FBXO15: variants seen among roughly 807,000 people sequenced by gnomAD.
The protein encoded by FBXO15 is F-box only protein 15.
In FBXO15, 30 loss-of-function variants were observed where a neutral mutation model predicts 49.5. That is an observed-to-expected ratio of 0.61 (90% confidence interval 0.45 to 0.82). The LOEUF (loss-of-function observed/expected upper bound fraction) is 0.82. FBXO15 is among the 40% of genes least tolerant of loss of function. The probability of loss-of-function intolerance (pLI) is 0.00; values close to 1 mark genes in which losing one functional copy is unlikely to be tolerated. For missense variants in FBXO15, 591 were observed against 631.5 expected (o/e 0.94, Z 0.69); for synonymous variants, 250 against 232.7 (o/e 1.07, Z -0.68).
intron 8 of FBXO15, among the ~76,000 whole-genome samples, chr18:74,114,681 T>C (rs182417639): frequency 4.7e-4 from 71 of 152,334 alleles, no homozygotes; most frequent in African/African-American, 1.5e-3. Context: ...TCATCTAAAC[T>C]TCTTTTTAAC....
chr18:74,100,624 G>T (rs963721873), intron 8 of FBXO15, among the ~76,000 whole-genome samples: 1 of 151,974 alleles, frequency 6.6e-6, no homozygotes, highest in Non-Finnish European at 1.5e-5. Flanking sequence ...GAAACAAAAT[G>T]GTGGTTCTTT....
Position 74,075,150 on chromosome 18 carries a change from C to A in FBXO15, c.1264-1420G>T, listed in dbSNP as rs1912208532. ...TCCCACCCTGGCTCTCTGGGTGGCTCCCTCTCCGCCTCATGGAACAACACC... is the reference window on the plus strand; with the variant it reads ...TCCCACCCTGGCTCTCTGGGTGGCTACCTCTCCGCCTCATGGAACAACACC... On this transcript the variant is annotated intron_variant, in intron 9 of 9. Transcript: ENST00000419743. This position sits in a 1 kb window ranked among gnomAD's most constrained non-coding sequence, Gnocchi z 4.1. Among the ~76,000 whole-genome samples, 1 of 152,184 alleles carries A rather than the reference C, an allele frequency of 6.6e-6. No individual in the cohort carries two copies. The highest frequency in any genetic ancestry group is 2.4e-5 in the African/African-American group (1 of 41,444).
intron 8 of FBXO15, among the ~76,000 whole-genome samples, chr18:74,084,392 C>T (rs1430262922): frequency 2.6e-5 from 4 of 152,162 alleles, no homozygotes; most frequent in African/African-American, 9.7e-5. Context: ...AGGAAGAGAA[C>T]GGGAAGAGCC....
chr18:74,107,385 A>G (rs946998129), intron 8 of FBXO15, among the ~76,000 whole-genome samples: 1 of 152,206 alleles, frequency 6.6e-6, no homozygotes, highest in African/African-American at 2.4e-5. Context: ...CAACTCAGAT[A>G]AAAAGTAAAA....
chr18:74,140,146 C>T (rs1978975393), intron 2 of FBXO15, 56 bp downstream of exon 2: 12 of 1,433,948 alleles, frequency 8.4e-6, no homozygotes, highest in Non-Finnish European at 1.0e-5. Context: ...ATAACTTTCT[C>T]TAATAACCCC....
intron 4 of FBXO15, among the ~76,000 whole-genome samples, chr18:74,130,138 T>G (rs572478395): frequency 1.1e-3 from 160 of 152,338 alleles, no homozygotes; most frequent in Admixed American, 3.3e-3. Flanking sequence ...CTGTGCAAAC[T>G]GTTGTTATTA....
intron 1 of FBXO15, among the ~76,000 whole-genome samples, chr18:74,145,722 T>C (rs1383151278): frequency 6.6e-6 from 1 of 150,466 alleles, no homozygotes; most frequent in African/African-American, 2.5e-5. Flanking sequence ...CTCAGCCTCC[T>C]GAGTACCTGA....
At chr18:74,079,303 G>C (rs1266110075) in intron 9 of FBXO15, among the ~76,000 whole-genome samples, 1 of 152,176 alleles carries the variant, frequency 6.6e-6, no homozygotes, top group Non-Finnish European at 1.5e-5. Context: ...CTGCAGCAAG[G>C]TTACCTTGAG....
chr18:74,079,487 G>A (rs118018823), intron 9 of FBXO15, among the ~76,000 whole-genome samples: 8 of 152,246 alleles, frequency 5.3e-5, no homozygotes, highest in Non-Finnish European at 8.8e-5. Context: ...AGGTATGTAA[G>A]CCACTGAAAT....
At chr18:74,121,120 A>G (rs57145673) in intron 8 of FBXO15, among the ~76,000 whole-genome samples, 14,143 of 152,200 alleles carry the variant, frequency 0.093, 1,252 homozygotes, top group African/African-American at 0.23. Context: ...CTGACTCAAG[A>G]AGAAATGGAT....
chr18:74,113,025 G>A (rs937170150), intron 8 of FBXO15, among the ~76,000 whole-genome samples: 2 of 152,212 alleles, frequency 1.3e-5, no homozygotes, highest in African/African-American at 4.8e-5. Context: ...GCAGCTTTAT[G>A]CATAATTGCT....
Position 74,073,602 on chromosome 18 carries a change from G to A in FBXO15, c.1392C>T (p.Tyr464=), listed in dbSNP as rs1348902045. ...SDSSSFLGQT[Y]NVDYVDAEGR... The stretch of plus-strand genomic sequence containing the variant: ...CTTCCGCATCAACGTAGTCCACGTT[G>A]TATGTCTGTCCCAAGAAGCTAGAGC... The change falls in exon 10 of 10, where the codon TAC becomes TAT. Residue 464 remains tyrosine, a synonymous_variant. Coordinates refer to ENST00000419743, the MANE Select transcript of FBXO15 (RefSeq NM_001142958.2). The A allele has an allele frequency of 6.2e-7, 1 of 1,614,082 alleles. No individual in the cohort carries two copies. Among genetic ancestry groups the A allele is most frequent in the Admixed American group, 1.7e-5 (1 of 60,006 alleles).
At chr18:74,121,079 C>T (rs1311980610) in intron 8 of FBXO15, among the ~76,000 whole-genome samples, 1 of 152,008 alleles carries the variant, frequency 6.6e-6, no homozygotes, top group Non-Finnish European at 1.5e-5. Flanking sequence ...ATAAAATGGA[C>T]AAATTCCTTA....
intron 5 of FBXO15, 149 bp from the exon 6 acceptor site, chr18:74,126,250 CAAAT>C: frequency 9.5e-7 from 1 of 1,051,184 alleles, no homozygotes; most frequent in Non-Finnish European, 1.4e-6. Flanking sequence ...GGTGAGGACA[CAAAT>C]GAATAAAAGG....
chr18:74,130,780 A>G, intron 3 of FBXO15, 122 bp from the exon 4 acceptor site: 1 of 1,094,718 alleles, frequency 9.1e-7, no homozygotes, highest in Non-Finnish European at 1.3e-6. Flanking sequence ...CAAGCTGAAT[A>G]TTTACAGTTG....
At chr18:74,095,998 T>C (rs1421630001) in intron 8 of FBXO15, among the ~76,000 whole-genome samples, 1 of 152,114 alleles carries the variant, frequency 6.6e-6, no homozygotes, top group African/African-American at 2.4e-5. Context: ...TTCACATCTG[T>C]GACACCCCTC....
rs1310244770 is a variant in FBXO15 at position 74,092,802 on chromosome 18, T to G, written c.1139-10751A>C. ...ATGCTGGTCACAACACTCTGATGGGTGGTGCCAGATAAAGCATCATGTGGT... is the reference window on the plus strand; with the variant it reads ...ATGCTGGTCACAACACTCTGATGGGGGGTGCCAGATAAAGCATCATGTGGT... On this transcript the variant is annotated intron_variant, in intron 8 of 9. Coordinates refer to ENST00000419743, the MANE Select transcript of FBXO15 (RefSeq NM_001142958.2). 5.9e-5 allele frequency among the ~76,000 whole-genome samples: 9 copies of G among 152,132 alleles called. No individual in the cohort carries two copies. The East Asian group carries it at 1.5e-3, about 26-fold the overall frequency.
At chr18:74,146,060 T>C (rs1206753488) in intron 1 of FBXO15, among the ~76,000 whole-genome samples, 1 of 152,256 alleles carries the variant, frequency 6.6e-6, no homozygotes, top group Non-Finnish European at 1.5e-5. Context: ...GACAGGTTTT[T>C]GTCTGATAGC....
chr18:74,134,010 T>C (rs1343846590), intron 3 of FBXO15, among the ~76,000 whole-genome samples: 4 of 152,158 alleles, frequency 2.6e-5, no homozygotes, highest in Admixed American at 2.6e-4. Context: ...ACAACAATCA[T>C]TAAGGAAGGG....
Sources: allele counts gnomAD v4.1 joint callset (sites outside exome capture counted in the v4.1 genomes callset), GRCh38; gene constraint gnomAD v4.1.1; non-coding constraint Gnocchi (gnomAD v3.1); transcripts MANE v1.5; gene names NCBI Gene and HGNC (gene_info 2026-07-23, HGNC 2026-07-21).